The following DIAPH1 variants were observed in gnomAD, a reference collection of about 807,000 sequenced individuals.
DIAPH1 encodes protein diaphanous homolog 1.
In DIAPH1, 46 loss-of-function variants were observed where a neutral mutation model predicts 140.7. The ratio of observed to expected loss-of-function variants is 0.33; its 90% CI spans 0.26 to 0.42. DIAPH1 has a LOEUF of 0.42. Among genes scored for constraint, DIAPH1 ranks in the 10% least tolerant of loss-of-function variants. The pLI, the probability that DIAPH1 is intolerant of heterozygous loss-of-function variation, is 1.00. For synonymous variants in DIAPH1, 565 were observed against 551.6 expected (o/e 1.02, Z -0.34); for missense variants, 1,310 against 1,558.7 (o/e 0.84, Z 2.69).
chr5:141,544,009 C>T (rs896107196), intron 18 of DIAPH1, among the ~76,000 whole-genome samples: 2 of 151,974 alleles, frequency 1.3e-5, no homozygotes, highest in East Asian at 3.9e-4. Context: ...TCAGGTAAGA[C>T]ACAAAAAAAA....
intron 19 of DIAPH1, among the ~76,000 whole-genome samples, chr5:141,532,950 A>G (rs943493592): frequency 2.6e-5 from 4 of 152,236 alleles, no homozygotes; most frequent in South Asian, 2.1e-4. Flanking sequence ...TTTAATCTCC[A>G]TAAGACTTCA....
rs151226931 is a variant in DIAPH1, at chr5:141,607,588, C to T, written c.117+11210G>A. On this transcript the variant is annotated intron_variant, in intron 1 of 27. Coordinates refer to ENST00000389054, the MANE Select transcript of DIAPH1 (RefSeq NM_005219.5). Reference sequence around the variant, plus strand: ...TGTTACAAAATGTTAAATTTCAATCCTGCTTTCTGCAGGTTTTTATAGAAA... The same window carrying T: ...TGTTACAAAATGTTAAATTTCAATCTTGCTTTCTGCAGGTTTTTATAGAAA... Among the ~76,000 whole-genome samples the T allele has an allele frequency of 3.7e-3, 567 of 152,300 alleles. 5 individuals carry two copies. The highest frequency in any genetic ancestry group is 0.011 in the Admixed American group (164 of 15,308).
chr5:141,577,976 GA>G, intron 11 of DIAPH1: 1 of 578,720 alleles, frequency 1.7e-6, no homozygotes, highest in Non-Finnish European at 3.1e-6. Flanking sequence ...CACATTCTAG[GA>G]AGTTTACACT....
intron 27 of DIAPH1, among the ~76,000 whole-genome samples, chr5:141,523,612 T>C (rs2154594906): frequency 6.6e-6 from 1 of 152,134 alleles, no homozygotes; most frequent in Non-Finnish European, 1.5e-5. Flanking sequence ...AAAGGTAGTT[T>C]TCAGACACGG....
At chr5:141,563,673 G>A (rs2099893933) in intron 18 of DIAPH1, 1 of 152,122 alleles carries the variant, frequency 6.6e-6, no homozygotes, top group South Asian at 2.1e-4. Context: ...AATGGCAGAT[G>A]GTACCTTGGA....
At chr5:141,612,719 G>A (rs930781752) in intron 1 of DIAPH1, among the ~76,000 whole-genome samples, 27 of 152,132 alleles carry the variant, frequency 1.8e-4, no homozygotes, top group African/African-American at 6.5e-4. Flanking sequence ...CTTGACTATA[G>A]AAATGGTTTC....
In DIAPH1 at chr5:141,551,464, C is replaced by CT. The variant is rs574150551; in HGVS notation, c.2483-17032dup. On this transcript the variant is annotated intron_variant, in intron 18 of 27. Transcript: ENST00000389054. The stretch of plus-strand genomic sequence containing the variant: ...TCTCTTAAAAAAAAAGGCATCGTGT[C>CT]TAACTTACCCTCAAATAGTTCAATA... Among the ~76,000 whole-genome samples the CT allele has an allele frequency of 8.5e-4, 129 of 152,120 alleles. 1 individual carries two copies. In the South Asian group the frequency reaches 0.026, roughly 30 times the overall value.
rs761310118 is a variant in DIAPH1 at position 141,526,462 on chromosome 5, G to C, written c.3274-1C>G. 1 of 1,614,068 alleles carries C rather than the reference G, an allele frequency of 6.2e-7. No individual in the cohort carries two copies. The highest frequency in any genetic ancestry group is 1.1e-5 in the South Asian group (1 of 91,080). On this transcript the variant is annotated splice_acceptor_variant, in intron 24 of 27. Transcript: ENST00000389054. LOFTEE classifies it high-confidence loss of function. ...GTTCCTGTGCATCCTTCACAAAGCT[G>C]TGCAGCCAAGGAGTAAAGGACCAAG...
chr5:141,601,727 T>C (rs2154597102), intron 1 of DIAPH1, among the ~76,000 whole-genome samples: 1 of 152,356 alleles, frequency 6.6e-6, no homozygotes, highest in Non-Finnish European at 1.5e-5. Context: ...TTAGCATCAC[T>C]ACAGGTTTAG....
chr5:141,590,965 T>C (rs553171299), intron 1 of DIAPH1, among the ~76,000 whole-genome samples: 2 of 152,148 alleles, frequency 1.3e-5, no homozygotes, highest in Non-Finnish European at 2.9e-5. Flanking sequence ...AGGAAATCTT[T>C]CTAAAATGCC....
chr5:141,573,735 A>C lies in DIAPH1; in HGVS notation c.2115T>G (p.Pro705=). 1 of 1,275,500 alleles carries C rather than the reference A, an allele frequency of 7.8e-7. No homozygotes were observed. Among genetic ancestry groups the C allele is most frequent in the Non-Finnish European group, 1.0e-6 (1 of 978,630 alleles). The allele number at this position is 1,275,500 out of a possible 1,614,324, so 79.0% of individuals were successfully genotyped here. The change falls in exon 16 of 28, where the codon CCT becomes CCG. Residue 705 remains proline (P), a synonymous_variant. Coordinates refer to ENST00000389054, the MANE Select transcript of DIAPH1 (RefSeq NM_005219.5). ...PGSAGIPPPP[P]PLPGEAGMPP... is the part of the protein sequence containing the mutation. Reference sequence around the variant, plus strand: ...GCATTCCTGCTTCTCCAGGCAAGGGAGGAGGTGGGGGGGGAATTCCAGCAC... The same window carrying C: ...GCATTCCTGCTTCTCCAGGCAAGGGCGGAGGTGGGGGGGGAATTCCAGCAC...
intron 19 of DIAPH1, among the ~76,000 whole-genome samples, chr5:141,530,837 T>TTATA (rs1444465558): frequency 3.3e-5 from 5 of 152,196 alleles, no homozygotes; most frequent in Non-Finnish European, 7.3e-5. Flanking sequence ...TTTCGTAAGC[T>TTATA]TATAGGAGGC....
rs1470101175 is a variant in DIAPH1 at position 141,618,785 on chromosome 5, G to A, written c.117+13C>T. On this transcript the variant is annotated intron_variant, in intron 1 of 27. Transcript: ENST00000389054. The stretch of plus-strand genomic sequence containing the variant: ...ACGGGGCCAGGCAGGAGCGGGATGG[G>A]AGGGACACTCACAAATTTCTTAGAT... 5.9e-6 allele frequency: 9 copies of A among 1,536,608 alleles called. No individual in the cohort carries two copies. Among genetic ancestry groups the A allele is most frequent in the South Asian group, 2.4e-5 (2 of 83,516 alleles).
chr5:141,608,608 G>A (rs920023061), intron 1 of DIAPH1, among the ~76,000 whole-genome samples: 2 of 152,146 alleles, frequency 1.3e-5, no homozygotes, highest in African/African-American at 4.8e-5. Context: ...GTAGACTCAG[G>A]AAATCAACAG....
chr5:141,572,045 G>T lies in DIAPH1; in HGVS notation c.2359-5C>A. On this transcript the variant is annotated splice_polypyrimidine_tract_variant and splice_region_variant and intron_variant, in intron 16 of 27. Coordinates refer to ENST00000389054, the MANE Select transcript of DIAPH1 (RefSeq NM_005219.5). ...GGAGAGGTCCTCAGCCACAAGCTGT[G>T]GATAAAGGCAGGGTGTTAAGAATTA... 6.3e-7 allele frequency: 1 copy of T among 1,599,372 alleles called. No individual in the cohort carries two copies. The highest frequency in any genetic ancestry group is 8.6e-7 in the Non-Finnish European group (1 of 1,166,496).
intron 1 of DIAPH1, among the ~76,000 whole-genome samples, chr5:141,594,097 G>A (rs879666449): frequency 6.6e-5 from 10 of 152,146 alleles, no homozygotes; most frequent in African/African-American, 9.7e-5. Context: ...GCACCCAGCC[G>A]AGCAAGAACT....
At chr5:141,578,901 A>G (rs1310138658) in intron 9 of DIAPH1, among the ~76,000 whole-genome samples, 187 bp downstream of exon 9, 1 of 152,172 alleles carries the variant, frequency 6.6e-6, no homozygotes, top group African/African-American at 2.4e-5. Flanking sequence ...CCATCTCATA[A>G]TGAGGAAAAC....
intron 1 of DIAPH1, among the ~76,000 whole-genome samples, chr5:141,605,972 A>C (rs1016433493): frequency 2.0e-5 from 3 of 152,242 alleles, no homozygotes; most frequent in African/African-American, 7.2e-5. Flanking sequence ...ACAAGAATCA[A>C]GAAAGAAATC....
At position 141,534,409 on chromosome 5, in the gene DIAPH1, T is replaced by C. The variant is rs1353062899; in HGVS notation, c.2507A>G (p.Glu836Gly). 6.2e-7 allele frequency: 1 copy of C among 1,613,664 alleles called. No individual in the cohort carries two copies. The highest frequency in any genetic ancestry group is 1.3e-5 in the African/African-American group (1 of 74,938). ...SKAKKDQEGG[E>G]EKKSVQKKKV... ...TTTCTTTTGCACAGATTTCTTTTCT[T>C]CTCCACCTTCTTGATCCTTCTTGGC... The change falls in exon 19 of 28, where the codon GAA becomes GGA. Residue 836 changes from glutamate (E) to glycine (G), a missense_variant. Around this residue, in one of 3 missense-constraint regions of DIAPH1, gnomAD observed 589 missense variants for 549.3 expected, o/e 1.07. Transcript: ENST00000389054.
Sources: gnomAD v4.1 joint callset for allele counts (sites outside exome capture counted in the v4.1 genomes callset) on GRCh38, gnomAD v4.1.1 for gene constraint, gnomAD v4.1.1 regional missense constraint, MANE v1.5 for transcripts, NCBI Gene and HGNC (gene_info 2026-07-23, HGNC 2026-07-21) for gene names.